Variants in TTC39C observed in about 807,000 individuals in gnomAD.
TTC39C encodes tetratricopeptide repeat domain 39C.
TTC39C carries 33 observed loss-of-function variants against 76.3 expected under a neutral mutation model. The observed-to-expected ratio is 0.43, with a 90% CI of 0.33 to 0.58. The LOEUF is 0.58. TTC39C is among the 20% of genes least tolerant of loss of function. The probability of loss-of-function intolerance (pLI) is 0.04; values close to 1 mark genes in which losing one functional copy is unlikely to be tolerated. For missense variants in TTC39C, 595 were observed against 701.4 expected (o/e 0.85, Z 1.71); for synonymous variants, 254 against 260.6 (o/e 0.97, Z 0.24).
At chr18:24,100,934 A>G (rs921213329) in intron 6 of TTC39C, among the ~76,000 whole-genome samples, 17 of 152,124 alleles carry the variant, frequency 1.1e-4, no homozygotes, top group African/African-American at 4.1e-4. Flanking sequence ...GTTAATTGGG[A>G]TATCCTGGGA....
chr18:24,088,028 G>T (rs890921703), intron 6 of TTC39C, among the ~76,000 whole-genome samples: 1 of 152,180 alleles, frequency 6.6e-6, no homozygotes, highest in Non-Finnish European at 1.5e-5. Flanking sequence ...AATGATGTTG[G>T]TTATCAAGGA....
At position 24,066,156 on chromosome 18, in the gene TTC39C, T is replaced by A; in HGVS notation, c.345+16T>A. Reference sequence around the variant, plus strand: ...TAAGAAGAACGTAAGTATTGCGGCTTTAGGTTGTGGACTGTGTGCCACTTA... The same window carrying A: ...TAAGAAGAACGTAAGTATTGCGGCTATAGGTTGTGGACTGTGTGCCACTTA... On this transcript the variant is annotated intron_variant, in intron 3 of 13. Transcript: ENST00000317571. 1 of 1,591,456 alleles carries A rather than the reference T, an allele frequency of 6.3e-7. No individual in the cohort carries two copies. The highest frequency in any genetic ancestry group is 8.5e-7 in the Non-Finnish European group (1 of 1,173,958).
intron 1 of TTC39C, among the ~76,000 whole-genome samples, chr18:24,020,669 G>A (rs865868340): frequency 1.3e-5 from 2 of 152,188 alleles, no homozygotes; most frequent in Non-Finnish European, 1.5e-5. Context: ...GTGCTATGTA[G>A]ATAGTTGTTA....
chr18:24,029,172 A>C (rs2083637657), intron 1 of TTC39C, among the ~76,000 whole-genome samples: 1 of 150,744 alleles, frequency 6.6e-6, no homozygotes, highest in East Asian at 2.0e-4. Flanking sequence ...GTGCGATCTC[A>C]GCTCAGTGCA....
chr18:24,130,274 GA>G, intron 11 of TTC39C, 38 bp from the exon 12 acceptor site: 1 of 1,179,180 alleles, frequency 8.5e-7, no homozygotes, highest in Non-Finnish European at 1.2e-6. Flanking sequence ...TGCTAAGTAG[GA>G]AAATGAATTC....
upstream of TTC39C, among the ~76,000 whole-genome samples, chr18:24,013,962 T>C (rs2083412860): frequency 6.6e-6 from 1 of 152,270 alleles, no homozygotes; most frequent in South Asian, 2.1e-4. Flanking sequence ...TTATAACTTT[T>C]AAATATTTGG....
Position 24,130,303 on chromosome 18 carries a change from T to A in TTC39C, c.1519-10T>A, listed in dbSNP as rs377217707. 1.2e-5 allele frequency: 18 copies of A among 1,481,546 alleles called. No homozygotes were observed. In the African/African-American group the frequency reaches 2.1e-4, roughly 17 times the overall value. 91.8% of individuals were successfully genotyped at this position (1,481,546 alleles called of 1,614,324 possible). On this transcript the variant is annotated splice_polypyrimidine_tract_variant and intron_variant, in intron 11 of 13. Coordinates refer to ENST00000317571, the MANE Select transcript of TTC39C (RefSeq NM_001135993.2). ...ATGAATTCATCCAATAACATTTGCA[T>A]TCCTTTCAGTACTTCCAGCGAGCTG...
intron 1 of TTC39C, among the ~76,000 whole-genome samples, chr18:24,062,939 C>G (rs2084117375): frequency 6.6e-6 from 1 of 152,224 alleles, no homozygotes; most frequent in South Asian, 2.1e-4. Flanking sequence ...CAGAGTCACA[C>G]ACATGTAAGT....
chr18:24,102,244 A>C (rs577019005), intron 6 of TTC39C, among the ~76,000 whole-genome samples: 1 of 152,360 alleles, frequency 6.6e-6, no homozygotes, highest in East Asian at 1.9e-4. Context: ...AGACCAAGGA[A>C]GTTTTGTAAT....
rs1399043319 is a variant in TTC39C, at chr18:24,114,323, C to T, written c.985-231C>T. On this transcript the variant is annotated intron_variant, in intron 6 of 13. Coordinates refer to ENST00000317571, the MANE Select transcript of TTC39C (RefSeq NM_001135993.2). ...GAGAACGCTGGAGGAGAAGGCGGCG[C>T]GAGCTGAGCCCTTACCACCTGAGCA... 12 of 344,622 alleles carry T rather than the reference C, an allele frequency of 3.5e-5. 1 individual carries two copies. The highest frequency in any genetic ancestry group is 1.1e-4 in the East Asian group (2 of 17,612). 21.3% of individuals were successfully genotyped at this position (344,622 alleles called of 1,614,324 possible). A position where few individuals can be genotyped will look rare whatever the true frequency, so the allele number is the denominator to read the frequency against.
chr18:24,041,386 T>G (rs2083790376), intron 1 of TTC39C, among the ~76,000 whole-genome samples: 1 of 152,202 alleles, frequency 6.6e-6, no homozygotes, highest in South Asian at 2.1e-4. Context: ...AGCTTGTGTC[T>G]GATGGAGCTC....
At position 24,125,471 on chromosome 18, in the gene TTC39C, G is replaced by C. The variant is rs548674251; in HGVS notation, c.1341G>C (p.Val447=). 4.3e-6 allele frequency: 7 copies of C among 1,614,174 alleles called. No homozygotes were observed. The South Asian group carries it at 7.7e-5, about 18-fold the overall frequency. The change falls in exon 10 of 14, where the codon GTG becomes GTC. Residue 447 remains valine, a synonymous_variant. Transcript: ENST00000317571. ...AAACCCCAACCAAAGCGCTCTGTGT[G>C]TTGGCGTCTATTGAAGTGTTGTACT... The part of the protein sequence containing the change: ...RKQTPTKALC[V]LASIEVLYLW...
chr18:24,024,237 G>A (rs1012405159), intron 1 of TTC39C, among the ~76,000 whole-genome samples: 9 of 149,906 alleles, frequency 6.0e-5, no homozygotes, highest in Admixed American at 2.0e-4. Context: ...GGTCTTGAAC[G>A]TCTGACCTAA....
At chr18:24,107,745 T>C (rs2084763205) in intron 6 of TTC39C, among the ~76,000 whole-genome samples, 1 of 152,214 alleles carries the variant, frequency 6.6e-6, no homozygotes, top group African/African-American at 2.4e-5. Flanking sequence ...AGTATGAAAA[T>C]AGACTAATAC....
At position 24,123,900 on chromosome 18, in the gene TTC39C, T is replaced by C; in HGVS notation, c.1253T>C (p.Phe418Ser). Residue 418 changes from phenylalanine to serine, a missense_variant, in exon 9 of 14, where the codon TTC (phenylalanine) becomes TCC (serine). Transcript: ENST00000317571. ...GTCTTTAAAGAAGTTCAGAAACTCTTCAAAAGGAAAAACAATCAGATTGAA... is the reference window on the plus strand; with the variant it reads ...GTCTTTAAAGAAGTTCAGAAACTCTCCAAAAGGAAAAACAATCAGATTGAA... ...QIVFKEVQKL[F>S]KRKNNQIEQF... 1 of 1,613,228 alleles carries C rather than the reference T, an allele frequency of 6.2e-7. No individual in the cohort carries two copies. The highest frequency in any genetic ancestry group is 8.5e-7 in the Non-Finnish European group (1 of 1,179,760).
chr18:24,022,563 A>C (rs185776544), intron 1 of TTC39C: 125 of 985,306 alleles, frequency 1.3e-4, no homozygotes, highest in Non-Finnish European at 1.5e-4. Context: ...AAAAGGATTC[A>C]CATGTGTCCT....
intron 4 of TTC39C, among the ~76,000 whole-genome samples, chr18:24,077,955 G>C (rs1351915651): frequency 6.6e-6 from 1 of 152,092 alleles, no homozygotes; most frequent in Non-Finnish European, 1.5e-5. Context: ...CCTTTAGGAG[G>C]GGAAAAAGTC....
At chr18:24,129,093 A>G (rs1397708333) in intron 11 of TTC39C, 110 bp downstream of exon 11, 2 of 685,214 alleles carry the variant, frequency 2.9e-6, no homozygotes, top group Non-Finnish European at 4.6e-6. Context: ...ACCTCCCACT[A>G]TAAACTTTAT....
intron 1 of TTC39C, among the ~76,000 whole-genome samples, chr18:24,024,001 TATATATATATATATA>T (rs2083562850): frequency 8.8e-5 from 1 of 11,312 alleles, no homozygotes; most frequent in Non-Finnish European, 1.7e-4. Context: ...TATATATATA[TATATATATATATATA>T]TTTTTTTTTT....
Sources: gnomAD v4.1 joint callset for allele counts (sites outside exome capture counted in the v4.1 genomes callset) on GRCh38, gnomAD v4.1.1 for gene constraint, MANE v1.5 for transcripts, NCBI Gene and HGNC (gene_info 2026-07-23, HGNC 2026-07-21) for gene names.